The following TASP1 variants were observed in gnomAD, a reference collection of about 807,000 sequenced individuals.
The protein encoded by TASP1 is threonine aspartase 1.
TASP1 carries 16 observed loss-of-function variants against 56.6 expected under a neutral mutation model. The ratio of observed to expected loss-of-function variants is 0.28; its 90% CI spans 0.19 to 0.43. The LOEUF is 0.43. Among genes scored for constraint, TASP1 ranks in the 20% least tolerant of loss-of-function variants. The pLI is 1.00. For missense variants in TASP1, 393 were observed against 511.6 expected (o/e 0.77, Z 2.24); for synonymous variants, 179 against 184.2 (o/e 0.97, Z 0.23).
intron 10 of TASP1, among the ~76,000 whole-genome samples, chr20:13,521,935 T>C (rs1164104283): frequency 2.0e-5 from 3 of 152,040 alleles, no homozygotes; most frequent in East Asian, 1.9e-4. Flanking sequence ...CATGTTTATA[T>C]AGGATGGCTG....
At chr20:13,435,609 T>C (rs368210380) in intron 11 of TASP1, among the ~76,000 whole-genome samples, 66 of 152,298 alleles carry the variant, frequency 4.3e-4, no homozygotes, top group African/African-American at 1.5e-3. Context: ...ATTATAAACA[T>C]TTTTAAATGC....
At chr20:13,239,598 G>C in the TASP1 span, 1 of 152,184 alleles carries the variant, frequency 6.6e-6, no homozygotes, top group Non-Finnish European at 1.5e-5. Flanking sequence ...ACATACACAA[G>C]GGTCACTGCA....
chr20:13,307,228 C>CTCT, the TASP1 span, among the ~76,000 whole-genome samples: 2 of 152,210 alleles, frequency 1.3e-5, no homozygotes, highest in African/African-American at 4.8e-5. Context: ...ACATTTGACC[C>CTCT]TCTTATAGCC....
the TASP1 span, among the ~76,000 whole-genome samples, chr20:13,161,889 A>G: frequency 6.6e-6 from 1 of 152,228 alleles, no homozygotes; most frequent in Admixed American, 6.5e-5. Flanking sequence ...GCCTCAAAAC[A>G]TAAACCATTG....
intron 11 of TASP1, among the ~76,000 whole-genome samples, chr20:13,442,140 C>T (rs948905759): frequency 6.6e-6 from 1 of 152,122 alleles, no homozygotes; most frequent in Non-Finnish European, 1.5e-5. Flanking sequence ...CCTTTCCCCC[C>T]ATAAACTGAG....
chr20:13,559,194 G>T, intron 7 of TASP1, 80 bp from the exon 8 acceptor site: 1 of 861,746 alleles, frequency 1.2e-6, no homozygotes, highest in Non-Finnish European at 1.6e-6. Flanking sequence ...TATCTGAAGA[G>T]CCTTCCCAGA....
intron 13 of TASP1, among the ~76,000 whole-genome samples, chr20:13,410,224 G>A (rs908302932): frequency 1.3e-5 from 2 of 152,146 alleles, no homozygotes; most frequent in Non-Finnish European, 2.9e-5. Flanking sequence ...CCATTCATCT[G>A]TTCATATATT....
At chr20:13,116,158 G>T in the TASP1 span, among the ~76,000 whole-genome samples, 1 of 151,746 alleles carries the variant, frequency 6.6e-6, no homozygotes, top group African/African-American at 2.4e-5. Context: ...GTTGGTCTGG[G>T]TGACTGTGCA....
the TASP1 span, among the ~76,000 whole-genome samples, chr20:13,154,715 T>C: frequency 6.6e-6 from 1 of 152,200 alleles, no homozygotes; most frequent in African/African-American, 2.4e-5. Context: ...GCCCTTACTG[T>C]GAACCTGTTT....
At chr20:13,339,867 C>T in the TASP1 span, among the ~76,000 whole-genome samples, 1 of 152,026 alleles carries the variant, frequency 6.6e-6, no homozygotes, top group Admixed American at 6.6e-5. Flanking sequence ...AGGTTGAAGT[C>T]TTTTGCTTGA....
intron 11 of TASP1, among the ~76,000 whole-genome samples, chr20:13,452,881 A>G (rs983973840): frequency 6.6e-6 from 1 of 152,070 alleles, no homozygotes; most frequent in African/African-American, 2.4e-5. Context: ...CACAAAGAAG[A>G]GTGCTCAGAA....
At chr20:13,229,090 T>A in the TASP1 span, among the ~76,000 whole-genome samples, 2 of 152,102 alleles carry the variant, frequency 1.3e-5, no homozygotes, top group African/African-American at 4.8e-5. Context: ...TCCTTTTTCT[T>A]CCTTTTTTAT....
the TASP1 span, among the ~76,000 whole-genome samples, chr20:13,221,254 TCCTCCTCC>T: frequency 4.8e-4 from 57 of 117,686 alleles, no homozygotes; most frequent in Admixed American, 1.2e-3. Context: ...CTCCTCCTCC[TCCTCCTCC>T]TTCTCCTTCT....
At chr20:13,211,397 A>G in the TASP1 span, among the ~76,000 whole-genome samples, 2 of 152,266 alleles carry the variant, frequency 1.3e-5, no homozygotes, top group Non-Finnish European at 2.9e-5. Context: ...GGTCATCTGA[A>G]AGTCTCAACC....
intron 8 of TASP1, among the ~76,000 whole-genome samples, chr20:13,547,673 G>A (rs1273587874): frequency 6.6e-6 from 1 of 151,978 alleles, no homozygotes; most frequent in African/African-American, 2.4e-5. Flanking sequence ...ATAGCACACA[G>A]AATTAAAACG....
the TASP1 span, among the ~76,000 whole-genome samples, chr20:13,354,407 C>G: frequency 6.6e-6 from 1 of 152,168 alleles, no homozygotes; most frequent in African/African-American, 2.4e-5. Flanking sequence ...CACTACCCCA[C>G]AGAAAGAGAA....
the TASP1 span, among the ~76,000 whole-genome samples, chr20:13,258,036 A>T: frequency 1.3e-5 from 2 of 152,240 alleles, no homozygotes; most frequent in South Asian, 2.1e-4. Context: ...TCTACCTCAC[A>T]TGGATGTCAT....
intron 9 of TASP1, 79 bp downstream of exon 9, chr20:13,533,943 C>A: frequency 2.7e-6 from 4 of 1,474,410 alleles, no homozygotes; most frequent in South Asian, 1.4e-5. Flanking sequence ...AAAAATGTTC[C>A]CACTGGTTAA....
intron 10 of TASP1, among the ~76,000 whole-genome samples, chr20:13,525,836 C>T (rs1439165036): frequency 2.0e-5 from 3 of 152,162 alleles, no homozygotes; most frequent in Non-Finnish European, 2.9e-5. Flanking sequence ...TTTACTCTAT[C>T]ATCCCCAGGT....
Sources: gnomAD v4.1 joint callset for allele counts (sites outside exome capture counted in the v4.1 genomes callset) on GRCh38, gnomAD v4.1.1 for gene constraint, MANE v1.5 for transcripts, NCBI Gene and HGNC (gene_info 2026-07-23, HGNC 2026-07-21) for gene names.